The following LARP1 variants were observed in gnomAD, a reference collection of about 807,000 sequenced individuals.
The protein encoded by LARP1 is La ribonucleoprotein 1, translational regulator.
A neutral mutation model predicts 122.7 loss-of-function variants in LARP1; 36 were observed. The ratio of observed to expected loss-of-function variants is 0.29; its 90% confidence interval spans 0.22 to 0.39. The LOEUF (loss-of-function observed/expected upper bound fraction) is 0.39, where lower values mean the gene tolerates loss of function less well. Ranked by LOEUF, LARP1 falls within the 10% of genes least tolerant of loss-of-function variation. The pLI is 1.00. For synonymous variants in LARP1, 539 were observed against 528.7 expected, an observed-to-expected ratio of 1.02 and a Z score of -0.27; for missense variants, 1,040 against 1,403.6, an observed-to-expected ratio of 0.74 and a Z score of 4.14.
intron 16 of LARP1, among the ~76,000 whole-genome samples, chr5:154,809,317 TA>T (rs78404073): frequency 0.011 from 1,502 of 137,592 alleles, 6 homozygotes; most frequent in African/African-American, 0.018. Context: ...CTGTTTCTAT[TA>T]AAAAAAAAAA....
intron 15 of LARP1, among the ~76,000 whole-genome samples, chr5:154,807,625 AC>A (rs1300905013): frequency 6.6e-6 from 1 of 152,168 alleles, no homozygotes; most frequent in East Asian, 1.9e-4. Context: ...ATTATAGCCC[AC>A]TGCAGTCTCG....
chr5:154,786,894 T>G (rs541874583), intron 1 of LARP1, among the ~76,000 whole-genome samples: 239 of 152,098 alleles, frequency 1.6e-3, no homozygotes, highest in African/African-American at 5.3e-3. Context: ...TTTTTTTTTT[T>G]TGGGATGGAA....
intron 10 of LARP1, among the ~76,000 whole-genome samples, 171 bp from the exon 11 acceptor site, chr5:154,801,834 CAT>C (rs546852644): frequency 7.6e-4 from 116 of 152,328 alleles, no homozygotes; most frequent in African/African-American, 2.6e-3. Context: ...CATCCTTTCT[CAT>C]AGTCATAAAG....
intron 1 of LARP1, among the ~76,000 whole-genome samples, chr5:154,747,875 G>A (rs948733730): frequency 1.1e-4 from 17 of 151,590 alleles, no homozygotes; most frequent in Non-Finnish European, 2.2e-4. Context: ...AAAAAAAAAA[G>A]ACACAGTGTC....
intron 1 of LARP1, among the ~76,000 whole-genome samples, chr5:154,789,346 A>G (rs1353267257): frequency 6.7e-6 from 1 of 148,752 alleles, no homozygotes; most frequent in Non-Finnish European, 1.5e-5. Context: ...CAGCCTCCCA[A>G]GTAGCTGGGA....
intron 1 of LARP1, among the ~76,000 whole-genome samples, chr5:154,696,023 A>G (rs1431793338): frequency 2.0e-5 from 3 of 152,110 alleles, no homozygotes; most frequent in African/African-American, 7.2e-5. Context: ...GATCAACTAT[A>G]TTTATCTCAG....
chr5:154,755,169 ACGAGGGGCGGGG>A (rs1422133598), upstream of LARP1, among the ~76,000 whole-genome samples: 3 of 150,034 alleles, frequency 2.0e-5, no homozygotes, highest in South Asian at 4.2e-4. Context: ...GGAATCGGAG[ACGAGGGGCGGGG>A]CGAGGGGCAG....
At chr5:154,786,351 A>G (rs1756883653) in intron 1 of LARP1, 2 of 404,498 alleles carry the variant, frequency 4.9e-6, no homozygotes, top group Admixed American at 5.5e-5. Flanking sequence ...GGTATGCTTC[A>G]TTTTTAACAA....
intron 1 of LARP1, among the ~76,000 whole-genome samples, chr5:154,744,839 G>A (rs1462680484): frequency 3.0e-5 from 4 of 133,138 alleles, no homozygotes; most frequent in East Asian, 2.1e-4. Flanking sequence ...GGGTTTCACC[G>A]TTTTAGCCGG....
rs1467921223 is a variant in LARP1, at chr5:154,814,071, C to CG, written c.3267dup (p.Asn1090GlufsTer22). ...GATGCCAAATGGACAAGCCAGCACT[C>CG]GAACACACAGACTTTGGGAAAGTGA... On this transcript the variant is annotated frameshift_variant, in exon 19 of 19. Transcript: ENST00000518297. LOFTEE classifies it high-confidence loss of function. 2.5e-6 allele frequency: 4 copies of CG among 1,613,904 alleles called. No individual in the cohort carries two copies. Among genetic ancestry groups the CG allele is most frequent in the Non-Finnish European group, 3.4e-6 (4 of 1,180,028 alleles).
intron 16 of LARP1, 49 bp from the exon 17 acceptor site, chr5:154,811,197 GT>G: frequency 7.2e-7 from 1 of 1,395,674 alleles, no homozygotes. Flanking sequence ...CACATTTCCC[GT>G]TTTACAGATG....
At chr5:154,793,137 G>A (rs1757467168) in intron 4 of LARP1, among the ~76,000 whole-genome samples, 1 of 152,194 alleles carries the variant, frequency 6.6e-6, no homozygotes, top group African/African-American at 2.4e-5. Context: ...GTGGTACACC[G>A]GTTCTTCATA....
chr5:154,774,592 C>G (rs1755712686), intron 1 of LARP1, among the ~76,000 whole-genome samples: 1 of 152,218 alleles, frequency 6.6e-6, no homozygotes, highest in African/African-American at 2.4e-5. Flanking sequence ...AAGACTTAAT[C>G]TCTTGCATTT....
At chr5:154,794,069 C>T (rs1383339834) in intron 6 of LARP1, 31 bp from the exon 7 acceptor site, 2 of 1,612,874 alleles carry the variant, frequency 1.2e-6, no homozygotes, top group Non-Finnish European at 8.5e-7. Flanking sequence ...CAGGAATCTC[C>T]TCTCCCTCAT....
At chr5:154,768,827 C>T (rs1443560634) in intron 1 of LARP1, among the ~76,000 whole-genome samples, 2 of 152,156 alleles carry the variant, frequency 1.3e-5, no homozygotes, top group African/African-American at 2.4e-5. Flanking sequence ...GTGATCCACC[C>T]GCCTTGGCCT....
intron 1 of LARP1, among the ~76,000 whole-genome samples, chr5:154,735,344 C>T (rs551459835): frequency 2.6e-5 from 4 of 151,714 alleles, no homozygotes; most frequent in Admixed American, 6.6e-5. Flanking sequence ...CCCAGCTACT[C>T]GGGAGACTAA....
intron 1 of LARP1, among the ~76,000 whole-genome samples, chr5:154,778,201 A>G (rs915560079): frequency 2.0e-5 from 3 of 150,666 alleles, no homozygotes; most frequent in Non-Finnish European, 4.4e-5. Flanking sequence ...TAGAGCTTGC[A>G]GTGAGCCGAG....
At chr5:154,721,585 T>C (rs910891022) in intron 1 of LARP1, among the ~76,000 whole-genome samples, 3 of 152,166 alleles carry the variant, frequency 2.0e-5, no homozygotes, top group African/African-American at 7.2e-5. Context: ...TACCTCTTCC[T>C]GCCAGCCACT....
chr5:154,796,101 ATT>A (rs1235340665), intron 8 of LARP1, among the ~76,000 whole-genome samples: 1 of 120,796 alleles, frequency 8.3e-6, no homozygotes. Context: ...TATTTTATAT[ATT>A]TATATATAGT....
Sources: gnomAD v4.1 joint callset for allele counts (sites outside exome capture counted in the v4.1 genomes callset) on GRCh38, gnomAD v4.1.1 for gene constraint, MANE v1.5 for transcripts, NCBI Gene and HGNC (gene_info 2026-07-23, HGNC 2026-07-21) for gene names.